KHDRBS2: variants seen among roughly 807,000 people sequenced by gnomAD.
KHDRBS2 encodes the protein KH domain-containing, RNA-binding, signal transduction-associated protein 2.
KHDRBS2 carries 26 observed loss-of-function variants against 44.3 expected under a neutral mutation model. That is an observed-to-expected ratio of 0.59 (90% CI 0.43 to 0.81). KHDRBS2 has a LOEUF of 0.81. KHDRBS2 is among the 40% of genes least tolerant of loss of function. The probability of loss-of-function intolerance (pLI) is 0.00; values close to 1 mark genes in which losing one functional copy is unlikely to be tolerated. For synonymous variants in KHDRBS2, 194 were observed against 151.1 expected (o/e 1.28, Z -2.08); for missense variants, 476 against 433.1 (o/e 1.10, Z -0.88).
intron 4 of KHDRBS2, 36 bp downstream of exon 4, chr6:61,978,030 T>C: frequency 6.5e-7 from 1 of 1,540,722 alleles, no homozygotes; most frequent in Middle Eastern, 1.7e-4. Context: ...TAGAAGCTGA[T>C]AAGAAACATC....
chr6:61,754,678 T>C (rs1330118731), intron 6 of KHDRBS2, among the ~76,000 whole-genome samples: 1 of 151,892 alleles, frequency 6.6e-6, no homozygotes, highest in Non-Finnish European at 1.5e-5. Context: ...AGATTCAGTA[T>C]AGTGTGTGGA....
chr6:61,967,955 TATACACACACACAC>T (rs1770472964), intron 4 of KHDRBS2, among the ~76,000 whole-genome samples: 1 of 130,162 alleles, frequency 7.7e-6, no homozygotes, highest in African/African-American at 3.1e-5. Context: ...TATATATATA[TATACACACACACAC>T]ACATGCACAC....
chr6:62,047,131 C>G (rs1352299899), intron 3 of KHDRBS2, among the ~76,000 whole-genome samples: 2 of 151,870 alleles, frequency 1.3e-5, no homozygotes, highest in Non-Finnish European at 2.9e-5. Context: ...ATTACCAAGT[C>G]ACAAAAGTGT....
the KHDRBS2 span, among the ~76,000 whole-genome samples, chr6:61,651,267 T>A: frequency 6.6e-6 from 1 of 152,092 alleles, no homozygotes. Context: ...GATTTCAATT[T>A]TTTTTAGATT....
intron 2 of KHDRBS2, among the ~76,000 whole-genome samples, chr6:62,097,535 A>C (rs1429738144): frequency 6.6e-6 from 1 of 152,078 alleles, no homozygotes; most frequent in Non-Finnish European, 1.5e-5. Context: ...ATCTAATATA[A>C]GCATAGCTAA....
intron 1 of KHDRBS2, among the ~76,000 whole-genome samples, chr6:62,219,315 CAT>C (rs1434221708): frequency 6.6e-6 from 1 of 151,672 alleles, no homozygotes; most frequent in Non-Finnish European, 1.5e-5. Flanking sequence ...AAGGAACTAA[CAT>C]AAATTGAATC....
the KHDRBS2 span, among the ~76,000 whole-genome samples, chr6:61,575,383 T>C: frequency 6.6e-6 from 1 of 151,970 alleles, no homozygotes; most frequent in African/African-American, 2.4e-5. Flanking sequence ...TCTCTAATTA[T>C]CAGGGAAATG....
At chr6:61,596,001 A>T in the KHDRBS2 span, among the ~76,000 whole-genome samples, 4 of 152,182 alleles carry the variant, frequency 2.6e-5, no homozygotes, top group African/African-American at 4.8e-5. Context: ...TGTGAAAGGC[A>T]GGACCCACCT....
intron 4 of KHDRBS2, among the ~76,000 whole-genome samples, chr6:61,920,486 GT>G (rs1418530246): frequency 6.6e-6 from 1 of 151,834 alleles, no homozygotes; most frequent in Non-Finnish European, 1.5e-5. Flanking sequence ...AGGTAAGTCT[GT>G]TACATCTACC....
intron 6 of KHDRBS2, among the ~76,000 whole-genome samples, chr6:61,798,202 T>G (rs1476608714): frequency 6.6e-6 from 1 of 152,112 alleles, no homozygotes; most frequent in Non-Finnish European, 1.5e-5. Flanking sequence ...AATATCTCCA[T>G]GAAGAGTGGT....
chr6:62,026,011 A>G (rs780499624), intron 3 of KHDRBS2, among the ~76,000 whole-genome samples: 2 of 152,114 alleles, frequency 1.3e-5, no homozygotes, highest in Non-Finnish European at 2.9e-5. Context: ...ATTCATTTAA[A>G]TGGATTATTA....
chr6:61,685,931 G>A (rs536915152), intron 8 of KHDRBS2, among the ~76,000 whole-genome samples: 3 of 151,826 alleles, frequency 2.0e-5, no homozygotes, highest in Non-Finnish European at 4.4e-5. Context: ...GCATAGGAAC[G>A]AGGGGTCAAT....
chr6:61,750,760 T>TAAAA (rs61576563), intron 6 of KHDRBS2, among the ~76,000 whole-genome samples: 8 of 116,492 alleles, frequency 6.9e-5, no homozygotes, highest in Non-Finnish European at 1.1e-4. Flanking sequence ...GAGAAAAAAG[T>TAAAA]AAAAAAAAAA....
intron 3 of KHDRBS2, among the ~76,000 whole-genome samples, chr6:61,996,802 G>A (rs114451552): frequency 0.3 from 18,872 of 62,080 alleles, 1,737 homozygotes; most frequent in Non-Finnish European, 0.34. Context: ...TCACCCCCCC[G>A]AGATAGAGTC....
the KHDRBS2 span, among the ~76,000 whole-genome samples, chr6:61,631,876 A>T: frequency 2.6e-5 from 4 of 152,152 alleles, no homozygotes; most frequent in Non-Finnish European, 5.9e-5. Context: ...TTTCATCAAA[A>T]CTAGAGGAGA....
At chr6:61,941,408 T>G (rs1410918718) in intron 4 of KHDRBS2, among the ~76,000 whole-genome samples, 1 of 152,032 alleles carries the variant, frequency 6.6e-6, no homozygotes, top group Non-Finnish European at 1.5e-5. Context: ...ACCCGCTACA[T>G]TACTGCCATT....
chr6:61,906,272 TA>T (rs1330817514), intron 4 of KHDRBS2, among the ~76,000 whole-genome samples: 1 of 152,200 alleles, frequency 6.6e-6, no homozygotes, highest in Non-Finnish European at 1.5e-5. Context: ...TATGGGTATA[TA>T]ATATGTATAT....
chr6:62,169,669 T>G (rs963392508), intron 2 of KHDRBS2, among the ~76,000 whole-genome samples: 1 of 152,042 alleles, frequency 6.6e-6, no homozygotes, highest in Admixed American at 6.6e-5. Flanking sequence ...TCACACTCTC[T>G]TGACAGGGAC....
intron 2 of KHDRBS2, among the ~76,000 whole-genome samples, chr6:62,115,893 C>T (rs1355952619): frequency 1.3e-5 from 2 of 151,904 alleles, no homozygotes; most frequent in East Asian, 1.9e-4. Context: ...TATTAAGAAG[C>T]TAATGAATAT....
Sources: allele counts gnomAD v4.1 joint callset (sites outside exome capture counted in the v4.1 genomes callset), GRCh38; gene constraint gnomAD v4.1.1; transcripts MANE v1.5; gene names NCBI Gene and HGNC (gene_info 2026-07-23, HGNC 2026-07-21).